LRCH1: variants seen among roughly 807,000 people sequenced by gnomAD.
LRCH1 encodes leucine rich repeats and calponin homology domain containing 1.
Under a neutral mutation model 94.9 loss-of-function variants are expected in LRCH1, and 23 were observed. The observed-to-expected ratio is 0.24, with a 90% CI of 0.17 to 0.34. The LOEUF (loss-of-function observed/expected upper bound fraction) is 0.34, where lower values mean the gene tolerates loss of function less well. Among genes scored for constraint, LRCH1 ranks in the 10% least tolerant of loss-of-function variants. The probability of loss-of-function intolerance (pLI) is 1.00; values close to 1 mark genes in which losing one functional copy is unlikely to be tolerated. For synonymous variants in LRCH1, 364 were observed against 354.9 expected, an observed-to-expected ratio of 1.03 and a Z score of -0.29; for missense variants, 790 against 945.9, an observed-to-expected ratio of 0.84 and a Z score of 2.16.
rs1332495072 is a variant in LRCH1, at chr13:46,744,215, C to T, written c.*2367C>T. The T allele has an allele frequency of 8.1e-6, 8 of 985,254 alleles. No homozygotes were observed. Among genetic ancestry groups the T allele is most frequent in the Non-Finnish European group, 7.2e-6 (6 of 829,940 alleles). 61.0% of individuals were successfully genotyped at this position (985,254 alleles called of 1,614,324 possible). ...TTGACTGGGGATACCTGGCTGACCTCCTTAGAGTCTGAGAAGTAGTCAGGG... is the reference window on the plus strand; with the variant it reads ...TTGACTGGGGATACCTGGCTGACCTTCTTAGAGTCTGAGAAGTAGTCAGGG... On this transcript the variant is annotated 3_prime_UTR_variant, in exon 20 of 20. Coordinates refer to ENST00000389797, the MANE Select transcript of LRCH1 (RefSeq NM_001164211.2).
intron 3 of LRCH1, among the ~76,000 whole-genome samples, chr13:46,677,043 G>T (rs112083899): frequency 1.4e-3 from 212 of 152,234 alleles, no homozygotes; most frequent in African/African-American, 5.0e-3. Flanking sequence ...GCCTTCCAAA[G>T]TGCTGGGAAT....
chr13:46,643,594 C>T (rs1272435216), intron 1 of LRCH1, among the ~76,000 whole-genome samples: 1 of 152,158 alleles, frequency 6.6e-6, no homozygotes, highest in African/African-American at 2.4e-5. Flanking sequence ...TCCACACTCA[C>T]TTCCCCTTCC....
In LRCH1 at chr13:46,685,981, G is replaced by A. The variant is rs369297187; in HGVS notation, c.762G>A (p.Glu254=). The A allele has an allele frequency of 8.5e-5, 137 of 1,610,878 alleles. No individual in the cohort carries two copies. Among genetic ancestry groups the A allele is most frequent in the Non-Finnish European group, 1.1e-4 (133 of 1,178,962 alleles). The change falls in exon 5 of 20, where the codon GAG becomes GAA. Residue 254 remains glutamate (E), a synonymous_variant. Coordinates refer to ENST00000389797, the MANE Select transcript of LRCH1 (RefSeq NM_001164211.2). ...KVLVIPICFR[E]MKQLQVLLLE... Reference sequence around the variant, plus strand: ...TCGTGATTCCAATTTGTTTTAGAGAGATGAAGCAGCTGCAAGTGTTACTAC... The same window carrying A: ...TCGTGATTCCAATTTGTTTTAGAGAAATGAAGCAGCTGCAAGTGTTACTAC...
intron 1 of LRCH1, among the ~76,000 whole-genome samples, chr13:46,567,262 A>AAATATGTTT (rs759249037): frequency 1.1e-4 from 17 of 152,208 alleles, no homozygotes; most frequent in Non-Finnish European, 2.2e-4. Context: ...TGACATATAA[A>AAATATGTTT]AATATGTTTT....
chr13:46,589,237 C>G (rs1164252083), intron 1 of LRCH1, among the ~76,000 whole-genome samples: 3 of 151,862 alleles, frequency 2.0e-5, no homozygotes, highest in Admixed American at 6.6e-5. Context: ...GAAATCTTAC[C>G]ATGTTGCCCA....
intron 1 of LRCH1, among the ~76,000 whole-genome samples, chr13:46,601,081 C>G (rs1016031997): frequency 6.6e-6 from 1 of 152,220 alleles, no homozygotes; most frequent in African/African-American, 2.4e-5. Flanking sequence ...CCACCCTATC[C>G]GTTAAAGGGC....
chr13:46,591,245 A>G (rs1437184822), intron 1 of LRCH1, among the ~76,000 whole-genome samples: 1 of 152,242 alleles, frequency 6.6e-6, no homozygotes, highest in Non-Finnish European at 1.5e-5. Context: ...ATAAAAACAC[A>G]TCTTTCATAT....
chr13:46,725,213 TA>T (rs113765223), intron 17 of LRCH1, among the ~76,000 whole-genome samples: 4,571 of 152,166 alleles, frequency 0.03, 228 homozygotes, highest in African/African-American at 0.1. Context: ...AGGGGAGAGA[TA>T]GGGGGTGAGG....
intron 2 of LRCH1, among the ~76,000 whole-genome samples, chr13:46,658,074 G>A (rs1047100640): frequency 1.7e-4 from 26 of 152,182 alleles, no homozygotes; most frequent in African/African-American, 5.3e-4. Flanking sequence ...CCTTAAGACA[G>A]TTTCATAATT....
At chr13:46,682,174 C>T (rs886680040) in intron 4 of LRCH1, among the ~76,000 whole-genome samples, 1 of 152,046 alleles carries the variant, frequency 6.6e-6, no homozygotes, top group Non-Finnish European at 1.5e-5. Context: ...ACTTCATCTT[C>T]TCACAATTTT....
downstream of LRCH1, among the ~76,000 whole-genome samples, chr13:46,747,882 T>A (rs141271721): frequency 8.7e-4 from 132 of 152,042 alleles, 1 homozygote; most frequent in East Asian, 0.021. Flanking sequence ...GGACCACAGG[T>A]GCACACCACC....
rs1024310570 is a variant in LRCH1 at position 46,685,920 on chromosome 13, C to A, written c.701C>A (p.Ser234Tyr). The A allele has an allele frequency of 6.3e-6, 10 of 1,593,756 alleles. No homozygotes were observed. In the African/African-American group the frequency reaches 1.2e-4, roughly 19 times the overall value. Residue 234 changes from serine (S) to tyrosine (Y), a missense_variant, in exon 5 of 20, where the codon TCC becomes TAC. Around this residue, in one of 3 missense-constraint regions of LRCH1, gnomAD observed 194 missense variants for 293.5 expected, o/e 0.66. Coordinates refer to ENST00000389797, the MANE Select transcript of LRCH1 (RefSeq NM_001164211.2). ...KVLPQELVDLSLVKFDFSCNK... is the reference protein window; with the variant it reads ...KVLPQELVDLYLVKFDFSCNK... ...ATTATTTTAGAACTAGTAGATCTTT[C>A]CTTGGTAAAGTTTGACTTTTCCTGC... is the stretch of plus-strand genomic sequence containing the variant.
Position 46,701,155 on chromosome 13 carries a change from G to C in LRCH1, c.1348G>C (p.Ala450Pro). ...SSSKDQDMDI[A>P]MIEQLREAVD... Reference sequence around the variant, plus strand: ...ATCCAAAGATCAGGACATGGATATAGCAATGATCGAGCAGCTGAGAGAAGC... The same window carrying C: ...ATCCAAAGATCAGGACATGGATATACCAATGATCGAGCAGCTGAGAGAAGC... Residue 450 changes from alanine (A) to proline (P), a missense_variant, in exon 11 of 20, where the codon GCA becomes CCA. Transcript: ENST00000389797. The C allele has an allele frequency of 6.2e-7, 1 of 1,613,794 alleles. No individual in the cohort carries two copies. The highest frequency in any genetic ancestry group is 8.5e-7 in the Non-Finnish European group (1 of 1,179,720).
intron 17 of LRCH1, among the ~76,000 whole-genome samples, chr13:46,723,766 C>T (rs1324716111): frequency 5.3e-5 from 8 of 151,800 alleles, no homozygotes; most frequent in Non-Finnish European, 5.9e-5. Context: ...TACCACTTCA[C>T]TTCAGCCTGG....
At position 46,595,856 on chromosome 13, in the gene LRCH1, G is replaced by A. The variant is rs555297232; in HGVS notation, c.307+42153G>A. ...ATTGGCCACATGGAATCCAAAGCAC[G>A]GCCTCACATTGTTTTTTTTTTTTTG... is the stretch of plus-strand genomic sequence containing the variant. On this transcript the variant is annotated intron_variant, in intron 1 of 19. Transcript: ENST00000389797. 4.5e-5 allele frequency among the ~76,000 whole-genome samples: 6 copies of A among 132,930 alleles called. No homozygotes were observed. The East Asian group carries it at 9.2e-4, about 20-fold the overall frequency. 87.2% of individuals were successfully genotyped at this position (132,930 alleles called of 152,430 possible).
chr13:46,629,850 A>G (rs1335778358), intron 1 of LRCH1, among the ~76,000 whole-genome samples: 1 of 152,138 alleles, frequency 6.6e-6, no homozygotes, highest in African/African-American at 2.4e-5. Context: ...AACCAGGTCC[A>G]CTCTCCAGAC....
chr13:46,685,858 A>G, intron 4 of LRCH1, 47 bp from the exon 5 acceptor site: 1 of 1,341,134 alleles, frequency 7.5e-7, no homozygotes, highest in Non-Finnish European at 1.0e-6. Context: ...AATCTTATTG[A>G]TTTCTAAGGT....
chr13:46,554,149 C>A (rs975618711), intron 1 of LRCH1, among the ~76,000 whole-genome samples: 1 of 152,252 alleles, frequency 6.6e-6, no homozygotes, highest in Admixed American at 6.5e-5. Context: ...CAGTTCAAGC[C>A]GTCTTTGCAT....
intron 18 of LRCH1, 110 bp downstream of exon 18, chr13:46,729,094 A>T: frequency 9.6e-7 from 1 of 1,046,938 alleles, no homozygotes; most frequent in Non-Finnish European, 1.3e-6. Flanking sequence ...AATCTTTTCC[A>T]TTGGGCCCCA....
Sources: gnomAD v4.1 joint callset for allele counts (sites outside exome capture counted in the v4.1 genomes callset) on GRCh38, gnomAD v4.1.1 for gene constraint, gnomAD v4.1.1 regional missense constraint, MANE v1.5 for transcripts, NCBI Gene and HGNC (gene_info 2026-07-23, HGNC 2026-07-21) for gene names.